FAM163A: variants seen among roughly 807,000 people sequenced by gnomAD.
FAM163A encodes family with sequence similarity 163 member A.
Under a neutral mutation model 12.0 loss-of-function variants are expected in FAM163A, and 7 were observed. The observed-to-expected ratio is 0.58, with a 90% CI of 0.33 to 1.10. The LOEUF (loss-of-function observed/expected upper bound fraction) is 1.10. FAM163A is among the 50% of genes least tolerant of loss of function. FAM163A has a pLI of 0.03. For missense variants in FAM163A, 202 were observed against 218.6 expected, an observed-to-expected ratio of 0.92 and a Z score of 0.48; for synonymous variants, 101 against 91.0, an observed-to-expected ratio of 1.11 and a Z score of -0.62.
At chr1:179,737,994 A>G in the FAM163A span, among the ~76,000 whole-genome samples, 1 of 152,226 alleles carries the variant, frequency 6.6e-6, no homozygotes, top group Non-Finnish European at 1.5e-5. Flanking sequence ...ATGAGCTTGG[A>G]GGACATTAGG....
chr1:179,783,749 ATATATATATTATATAATTTAT>A (rs913686469), intron 1 of FAM163A, among the ~76,000 whole-genome samples: 2 of 144,994 alleles, frequency 1.4e-5, no homozygotes, highest in African/African-American at 2.5e-5. Flanking sequence ...CCCAAATATT[ATATATATATTATATAATTTAT>A]TATATATATA....
chr1:179,771,751 A>C (rs193134894), intron 1 of FAM163A, among the ~76,000 whole-genome samples: 1 of 151,702 alleles, frequency 6.6e-6, no homozygotes, highest in Non-Finnish European at 1.5e-5. Context: ...TGTTACTGAC[A>C]TCAGTCTTGC....
intron 1 of FAM163A, among the ~76,000 whole-genome samples, chr1:179,754,409 G>A (rs1685717265): frequency 6.6e-6 from 1 of 152,092 alleles, no homozygotes; most frequent in African/African-American, 2.4e-5. Context: ...ACACACAGAT[G>A]AAGAGGAATG....
rs946375296 is a variant in FAM163A, at chr1:179,769,959, G to T, written c.-136+26536G>T. On this transcript the variant is annotated intron_variant, in intron 1 of 4. Transcript: ENST00000341785. ...CTTGCTCTGTCACCCAGGCTGGAGT[G>T]CAGTGGCGTGATCTCGGCTCACTGC... Among the ~76,000 whole-genome samples the T allele has an allele frequency of 8.1e-4, 107 of 131,552 alleles. 1 individual carries two copies. Among genetic ancestry groups the T allele is most frequent in the Admixed American group, 5.2e-4 (6 of 11,514 alleles). 86.3% of individuals were successfully genotyped at this position (131,552 alleles called of 152,430 possible).
intron 1 of FAM163A, among the ~76,000 whole-genome samples, chr1:179,772,639 A>G (rs181159230): frequency 9.2e-5 from 14 of 152,326 alleles, no homozygotes; most frequent in Admixed American, 7.8e-4. Flanking sequence ...TAAAGACCTA[A>G]GACACTTTGT....
chr1:179,731,195 A>G, the FAM163A span, among the ~76,000 whole-genome samples: 2 of 151,432 alleles, frequency 1.3e-5, no homozygotes, highest in Non-Finnish European at 2.9e-5. Context: ...GTATACAGTC[A>G]GGGGACAAAT....
chr1:179,785,653 T>A (rs1690504812), intron 1 of FAM163A, among the ~76,000 whole-genome samples: 1 of 152,162 alleles, frequency 6.6e-6, no homozygotes, highest in African/African-American at 2.4e-5. Flanking sequence ...GGAGAAATAA[T>A]CCATAATTCC....
At chr1:179,750,806 G>T (rs1224208489) in intron 1 of FAM163A, among the ~76,000 whole-genome samples, 1 of 152,212 alleles carries the variant, frequency 6.6e-6, no homozygotes, top group African/African-American at 2.4e-5. Flanking sequence ...AGGGAAACCT[G>T]TTAGCAGACT....
intron 1 of FAM163A, among the ~76,000 whole-genome samples, chr1:179,768,494 C>T (rs1687806957): frequency 2.0e-5 from 3 of 152,214 alleles, no homozygotes; most frequent in African/African-American, 7.2e-5. Flanking sequence ...TCCAAGATTA[C>T]TAGAGGCTGC....
At chr1:179,775,229 A>C (rs1688790533) in intron 1 of FAM163A, among the ~76,000 whole-genome samples, 4 of 152,202 alleles carry the variant, frequency 2.6e-5, no homozygotes, top group South Asian at 2.1e-4. Context: ...TCAGAGGCTG[A>C]AGTGAAATTA....
At chr1:179,740,372 G>A (rs1683491126), upstream of FAM163A, among the ~76,000 whole-genome samples, 1 of 151,966 alleles carries the variant, frequency 6.6e-6, no homozygotes, top group South Asian at 2.1e-4. Flanking sequence ...GTAGAGACAG[G>A]GTCTCACTAT....
At chr1:179,730,769 G>GA in the FAM163A span, among the ~76,000 whole-genome samples, 1 of 152,070 alleles carries the variant, frequency 6.6e-6, no homozygotes, top group African/African-American at 2.4e-5. Flanking sequence ...TTCTTTTTGT[G>GA]AAAAAAGGCA....
In FAM163A at chr1:179,814,448, A is replaced by ACTC. The variant is rs1557988051; in HGVS notation, c.*263_*265dup. 2.1e-6 allele frequency: 1 copy of ACTC among 478,390 alleles called. No homozygotes were observed. Among genetic ancestry groups the ACTC allele is most frequent in the African/African-American group, 2.0e-5 (1 of 49,960 alleles). The allele number at this position is 478,390 out of a possible 1,614,324, so 29.6% of individuals were successfully genotyped here. On this transcript the variant is annotated 3_prime_UTR_variant, in exon 5 of 5. Coordinates refer to ENST00000341785, the MANE Select transcript of FAM163A (RefSeq NM_173509.3). ...GCTTCGCCAGTTTCTTGGTTGGGAC[A>ACTC]CTCCTCTGGCAGCCCCAGCACCACC...
intron 1 of FAM163A, among the ~76,000 whole-genome samples, chr1:179,770,767 A>G (rs922178768): frequency 6.6e-6 from 1 of 151,494 alleles, no homozygotes; most frequent in South Asian, 2.1e-4. Context: ...TCCTCTCCCC[A>G]AGTCAGGTTG....
At chr1:179,789,693 C>T (rs1227309164) in intron 1 of FAM163A, among the ~76,000 whole-genome samples, 19 of 152,180 alleles carry the variant, frequency 1.2e-4, no homozygotes, top group Admixed American at 1.2e-3. Context: ...CACATGGAAA[C>T]TGGTCTGGGA....
intron 1 of FAM163A, among the ~76,000 whole-genome samples, chr1:179,765,613 G>A (rs905330915): frequency 3.9e-5 from 6 of 152,012 alleles, no homozygotes; most frequent in African/African-American, 1.4e-4. Context: ...GGCTGATGCT[G>A]AGATCTGTGG....
chr1:179,794,983 T>C (rs1692065670), intron 1 of FAM163A, among the ~76,000 whole-genome samples: 1 of 151,954 alleles, frequency 6.6e-6, no homozygotes, highest in African/African-American at 2.4e-5. Flanking sequence ...TCCCACATAC[T>C]CACCACAGAA....
At chr1:179,806,532 G>A (rs142572770) in intron 1 of FAM163A, among the ~76,000 whole-genome samples, 472 of 152,344 alleles carry the variant, frequency 3.1e-3, no homozygotes, top group South Asian at 9.3e-3. Context: ...GACAGCCCCA[G>A]TCCGTGAGGC....
At chr1:179,802,458 C>A (rs533435190) in intron 1 of FAM163A, among the ~76,000 whole-genome samples, 2 of 152,204 alleles carry the variant, frequency 1.3e-5, no homozygotes, top group South Asian at 4.1e-4. Context: ...CCTGAGTTTA[C>A]GGGTCCACTC....
Sources: gnomAD v4.1 joint callset for allele counts (sites outside exome capture counted in the v4.1 genomes callset) on GRCh38, gnomAD v4.1.1 for gene constraint, MANE v1.5 for transcripts, NCBI Gene and HGNC (gene_info 2026-07-23, HGNC 2026-07-21) for gene names.